ATG2A: variants seen among roughly 807,000 people sequenced by gnomAD.
The protein encoded by ATG2A is autophagy related 2A.
ATG2A carries 103 observed loss-of-function variants against 214.2 expected under a neutral mutation model. The observed-to-expected ratio is 0.48, with a 90% CI of 0.41 to 0.57. ATG2A has a LOEUF of 0.57. Among genes scored for constraint, ATG2A ranks in the 20% least tolerant of loss-of-function variants. The pLI, the probability that ATG2A is intolerant of heterozygous loss-of-function variation, is 0.00. For synonymous variants in ATG2A, 1,160 were observed against 1,142.1 expected, an observed-to-expected ratio of 1.02 and a Z score of -0.32; for missense variants, 2,312 against 2,613.2, an observed-to-expected ratio of 0.88 and a Z score of 2.51.
At position 64,903,377 on chromosome 11, in the gene ATG2A, C is replaced by T. The variant is rs765148522; in HGVS notation, c.3536-13G>A. On this transcript the variant is annotated splice_polypyrimidine_tract_variant and intron_variant, in intron 25 of 40. Transcript: ENST00000377264. The surrounding 1 kb of genome is among the most constrained non-coding windows in gnomAD (Gnocchi z 4.2). ...ACACAGACATAATCTGCAGCAGAGG[C>T]GAGAGAAAGGTCCTGTGGCCCCCTT... 5.0e-6 allele frequency: 8 copies of T among 1,613,796 alleles called. No homozygotes were observed. Among genetic ancestry groups the T allele is most frequent in the East Asian group, 2.2e-5 (1 of 44,894 alleles).
chr11:64,910,570 C>A (rs1944729579), intron 12 of ATG2A, 46 bp downstream of exon 12: 1 of 1,556,216 alleles, frequency 6.4e-7, no homozygotes, highest in Non-Finnish European at 8.7e-7. Flanking sequence ...AGGGTGGGGT[C>A]AACACGCCAT....
rs767970584 is a variant in ATG2A, at chr11:64,911,267, C to A, written c.1237G>T (p.Ala413Ser). Residue 413 changes from alanine to serine, a missense_variant, in exon 10 of 41, where the codon GCC becomes TCC. Physicochemically the swap from Ala to Ser is moderately conservative, Grantham distance 99 (BLOSUM62 1). Coordinates refer to ENST00000377264, the MANE Select transcript of ATG2A (RefSeq NM_015104.3). ...SAQAHPAGKM[A>S]PNPLLDTMRP... ...ATGGTGTCCAGGAGGGGGTTGGGGG[C>A]CATCTTGCCTGAGGGGACAGAGGCT... The A allele has an allele frequency of 6.2e-7, 1 of 1,613,526 alleles. No individual in the cohort carries two copies. Among genetic ancestry groups the A allele is most frequent in the East Asian group, 2.2e-5 (1 of 44,888 alleles).
rs202213951 is a variant in ATG2A at position 64,907,606 on chromosome 11, C to T, written c.2566G>A (p.Ala856Thr). The change falls in exon 18 of 41, where the codon GCC becomes ACC. Residue 856 changes from alanine (A) to threonine (T), a missense_variant. Physicochemically the swap from Ala to Thr is moderately conservative, Grantham distance 58 (BLOSUM62 0). Transcript: ENST00000377264. ...CCGGGGAAGCCCGAGGGCTGGGCGG[C>T]GGGGTCGGGGGTGGGAAGCAGATCT... Reference protein sequence around the residue: ...PADLLPTPDPAAQPSGFPGPS... With the variant: ...PADLLPTPDPTAQPSGFPGPS... 76 of 1,561,616 alleles carry T rather than the reference C, an allele frequency of 4.9e-5. No individual in the cohort carries two copies. The East Asian group carries it at 1.4e-3, about 29-fold the overall frequency.
In ATG2A at chr11:64,896,550, C is replaced by T. The variant is rs757615895; in HGVS notation, c.5339G>A (p.Arg1780Gln). The change falls in exon 39 of 41, where the codon CGG becomes CAG. Residue 1780 changes from arginine (R) to glutamine (Q), a missense_variant. Transcript: ENST00000377264. ...EQYRKDGRLM[R>Q]GLQRGAASFG... ...GGAGGCAGCCCCTCGCTGCAGCCCC[C>T]GCATGAGGCGGCCATCCTTCCTGTA... The T allele has an allele frequency of 9.9e-6, 16 of 1,613,856 alleles. No homozygotes were observed. The highest frequency in any genetic ancestry group is 3.3e-5 in the Admixed American group (2 of 60,010).
Position 64,894,823 on chromosome 11 carries a change from A to T in ATG2A, c.*150T>A. 2 of 974,788 alleles carry T rather than the reference A, an allele frequency of 2.1e-6. No individual in the cohort carries two copies. Among genetic ancestry groups the T allele is most frequent in the Non-Finnish European group, 3.3e-6 (2 of 612,006 alleles). The allele number at this position is 974,788 out of a possible 1,614,324, so 60.4% of individuals were successfully genotyped here. ...CCCAAGGCAGGGAGGCCCCCCTCTC[A>T]CAGCAGATTGGCAACGGGCAGGCTG... On this transcript the variant is annotated 3_prime_UTR_variant, in exon 41 of 41. Coordinates refer to ENST00000377264, the MANE Select transcript of ATG2A (RefSeq NM_015104.3).
chr11:64,903,830 A>C lies in ATG2A; in HGVS notation c.3465-170T>G, dbSNP rs557894085. 5.9e-5 allele frequency among the ~76,000 whole-genome samples: 9 copies of C among 152,342 alleles called. No individual in the cohort carries two copies. In the East Asian group the frequency reaches 1.7e-3, roughly 29 times the overall value. On this transcript the variant is annotated intron_variant, in intron 24 of 40. Coordinates refer to ENST00000377264, the MANE Select transcript of ATG2A (RefSeq NM_015104.3). The surrounding 1 kb of genome is among the most constrained non-coding windows in gnomAD (Gnocchi z 4.2). ...AAGGCCCAGACAGCAGGCAGTGGGA[A>C]GCGGGCAGCACTTGCAGCTCTCAAA... is the stretch of plus-strand genomic sequence containing the variant.
chr11:64,897,075 A>C (rs2136538279), intron 37 of ATG2A: 1 of 765,602 alleles, frequency 1.3e-6, no homozygotes, highest in Non-Finnish European at 2.0e-6. Context: ...GGCTGGAGTG[A>C]AGTGGTGCGA....
In ATG2A at chr11:64,913,248, G is replaced by A. The variant is rs1440143506; in HGVS notation, c.726+18C>T. ...AAGGGAGAGGAGACAGGGGCTGTGG[G>A]AATCAGAGCCCGCTCACCTGTGCCG... On this transcript the variant is annotated intron_variant, in intron 5 of 40. Coordinates refer to ENST00000377264, the MANE Select transcript of ATG2A (RefSeq NM_015104.3). The surrounding 1 kb of genome is among the most constrained non-coding windows in gnomAD (Gnocchi z 4.3). The A allele has an allele frequency of 2.5e-6, 4 of 1,611,952 alleles. No homozygotes were observed. Among genetic ancestry groups the A allele is most frequent in the Admixed American group, 3.3e-5 (2 of 59,900 alleles).
intron 1 of ATG2A, 34 bp from the exon 2 acceptor site, chr11:64,914,534 G>C: frequency 6.2e-7 from 1 of 1,603,956 alleles, no homozygotes; most frequent in East Asian, 2.2e-5. Flanking sequence ...CCAGCTCAGG[G>C]AAACCCCAAA....
Position 64,910,800 on chromosome 11 carries a change from C to A in ATG2A, c.1614+7G>T. ...CCGCCTCGTACACATTCTGCCTCTG[C>A]CCTCACCTCCGTGTACTCAGGCTCA... On this transcript the variant is annotated splice_region_variant and intron_variant, in intron 11 of 40. Coordinates refer to ENST00000377264, the MANE Select transcript of ATG2A (RefSeq NM_015104.3). 6.2e-7 allele frequency: 1 copy of A among 1,610,472 alleles called. No individual in the cohort carries two copies. The highest frequency in any genetic ancestry group is 1.7e-4 in the Middle Eastern group (1 of 6,060).
At position 64,907,896 on chromosome 11, in the gene ATG2A, C is replaced by G. The variant is rs1432748432; in HGVS notation, c.2365-6G>C. 1 of 1,611,114 alleles carries G rather than the reference C, an allele frequency of 6.2e-7. No homozygotes were observed. The highest frequency in any genetic ancestry group is 1.3e-5 in the African/African-American group (1 of 75,048). On this transcript the variant is annotated splice_region_variant and splice_polypyrimidine_tract_variant and intron_variant, in intron 16 of 40. Transcript: ENST00000377264. ...GGGTCTCCAGGGATCACCATCTGGACAGGGTGAGGTGGAAAGAGCAGGAGA... is the reference window on the plus strand; with the variant it reads ...GGGTCTCCAGGGATCACCATCTGGAGAGGGTGAGGTGGAAAGAGCAGGAGA...
In ATG2A at chr11:64,895,786, CCCAGACGCCCCTG is replaced by C. The variant is rs1224137635; in HGVS notation, c.5428-357_5428-345del. On this transcript the variant is annotated intron_variant, in intron 39 of 40. Transcript: ENST00000377264. This position sits in a 1 kb window ranked among gnomAD's most constrained non-coding sequence, Gnocchi z 5.0. Reference sequence around the variant, plus strand: ...AGACTGACCGCTCCTTGCCTGGCCCCCCAGACGCCCCTGCCAGATGGTCAGAGGCCCATCCTTC... The same window carrying C: ...AGACTGACCGCTCCTTGCCTGGCCCCCCAGATGGTCAGAGGCCCATCCTTC... Among the ~76,000 whole-genome samples, 12 of 152,216 alleles carry C rather than the reference CCCAGACGCCCCTG, an allele frequency of 7.9e-5. No individual in the cohort carries two copies. Among genetic ancestry groups the C allele is most frequent in the Non-Finnish European group, 1.5e-4 (10 of 68,030 alleles).
rs780871653 is a variant in ATG2A, at chr11:64,910,880, T to C, written c.1541A>G (p.Glu514Gly). The C allele has an allele frequency of 1.2e-6, 2 of 1,610,346 alleles. No individual in the cohort carries two copies. The highest frequency in any genetic ancestry group is 3.4e-5 in the Admixed American group (2 of 59,700). ...GSRGRRTTSM[E>G]VHFGQLEVLE... Reference sequence around the variant, plus strand: ...CACCTCCAGCTGCCCGAAGTGCACTTCCATGCTGGTTGTCCGCCGGCCCCG... The same window carrying C: ...CACCTCCAGCTGCCCGAAGTGCACTCCCATGCTGGTTGTCCGCCGGCCCCG... Residue 514 changes from glutamate (E) to glycine (G), a missense_variant, in exon 11 of 41, where the codon GAA becomes GGA. Glu to Gly is a moderately conservative substitution (Grantham distance 98, BLOSUM62 -2). Transcript: ENST00000377264.
At position 64,906,392 on chromosome 11, in the gene ATG2A, C is replaced by A. The variant is rs747120470; in HGVS notation, c.3125G>T (p.Gly1042Val). 5.6e-6 allele frequency: 9 copies of A among 1,613,208 alleles called. No individual in the cohort carries two copies. In the African/African-American group the frequency reaches 6.7e-5, roughly 12 times the overall value. Residue 1042 changes from glycine to valine, a missense_variant, in exon 21 of 41, where the codon GGA (glycine) becomes GTA (valine). Gly to Val is a moderately radical substitution (Grantham distance 109). Transcript: ENST00000377264. The stretch of plus-strand genomic sequence containing the variant: ...CACAGCAGTGGACAACATGTGGGGT[C>A]CCCGGCCCTGGCCCTTGCGGCCCGA... ...GASGRKGQGR[G>V]PHMLSTAVRI...
chr11:64,917,055 G>C lies in ATG2A; in HGVS notation c.81C>G (p.His27Gln). The C allele has an allele frequency of 6.2e-7, 1 of 1,613,798 alleles. No homozygotes were observed. Among genetic ancestry groups the C allele is most frequent in the Non-Finnish European group, 8.5e-7 (1 of 1,180,014 alleles). The change falls in exon 1 of 41, where the codon CAC becomes CAG. Residue 27 changes from histidine to glutamine, a missense_variant. Transcript: ENST00000377264. ...CCAGGCTGAGGTGCTCTTGGAAGAA[G>C]TGACCTAAGTAGTGGTGCAGCAAGT... Reference protein sequence around the residue: ...CRYLLHHYLGHFFQEHLSLDQ... With the variant: ...CRYLLHHYLGQFFQEHLSLDQ...
At chr11:64,897,180 G>A (rs913784194) in intron 37 of ATG2A, 2 of 620,406 alleles carry the variant, frequency 3.2e-6, no homozygotes, top group Non-Finnish European at 5.5e-6. Flanking sequence ...ACCACGCCTG[G>A]CTAATTTTTG....
intron 12 of ATG2A, 58 bp downstream of exon 12, chr11:64,910,558 C>A (rs547475122): frequency 2.6e-6 from 4 of 1,539,588 alleles, no homozygotes; most frequent in Non-Finnish European, 2.6e-6. Context: ...CTGGCAGAGG[C>A]CAGGGTGGGG....
In ATG2A at chr11:64,895,405, G is replaced by A; in HGVS notation, c.5465C>T (p.Ala1822Val). The change falls in exon 40 of 41, where the codon GCA becomes GTA. Residue 1822 changes from alanine to valine, a missense_variant. Coordinates refer to ENST00000377264, the MANE Select transcript of ATG2A (RefSeq NM_015104.3). This position sits in a 1 kb window ranked among gnomAD's most constrained non-coding sequence, Gnocchi z 5.0. ...AETVYDILSP[A>V]APVSRSLQDK... ...CTGCAGGGAGCGGGAGACGGGGGCT[G>A]CCGGGGACAGGATGTCATACACGGT... The A allele has an allele frequency of 1.2e-6, 2 of 1,606,672 alleles. No individual in the cohort carries two copies. Among genetic ancestry groups the A allele is most frequent in the Non-Finnish European group, 1.7e-6 (2 of 1,176,128 alleles).
In ATG2A at chr11:64,909,012, C is replaced by T. The variant is rs774860974; in HGVS notation, c.2343G>A (p.Arg781=). The part of the protein sequence containing the change: ...EPEPSPFSSK[R]TMYETEEMVI... Reference sequence around the variant, plus strand: ...TCACCTCCTCTGTCTCATACATGGTCCTCTTAGAGGAGAAGGGCGAGGGCT... The same window carrying T: ...TCACCTCCTCTGTCTCATACATGGTTCTCTTAGAGGAGAAGGGCGAGGGCT... Residue 781 remains arginine (R), a synonymous_variant, in exon 16 of 41, where the codon AGG becomes AGA. Transcript: ENST00000377264. 4.8e-5 allele frequency: 76 copies of T among 1,599,018 alleles called. No individual in the cohort carries two copies. Among genetic ancestry groups the T allele is most frequent in the Non-Finnish European group, 6.1e-5 (71 of 1,173,116 alleles).
Sources: allele counts gnomAD v4.1 joint callset (sites outside exome capture counted in the v4.1 genomes callset), GRCh38; gene constraint gnomAD v4.1.1; non-coding constraint Gnocchi (gnomAD v3.1); transcripts MANE v1.5; gene names NCBI Gene and HGNC (gene_info 2026-07-23, HGNC 2026-07-21).